RIN3: variants seen among roughly 807,000 people sequenced by gnomAD.
RIN3 encodes RAB5 interacting protein 3.
RIN3 carries 54 observed loss-of-function variants against 76.3 expected under a neutral mutation model. The observed-to-expected ratio is 0.71, with a 90% CI of 0.57 to 0.89. The LOEUF (loss-of-function observed/expected upper bound fraction) is 0.89, where lower values mean the gene tolerates loss of function less well. Ranked by LOEUF, RIN3 falls within the 40% of genes least tolerant of loss-of-function variation. The probability of loss-of-function intolerance (pLI) is 0.00; values close to 1 mark genes in which losing one functional copy is unlikely to be tolerated. For missense variants in RIN3, 1,256 were observed against 1,322.1 expected (o/e 0.95, Z 0.78); for synonymous variants, 576 against 564.0 (o/e 1.02, Z -0.30).
At chr14:92,537,919 C>T (rs923301326) in intron 1 of RIN3, among the ~76,000 whole-genome samples, 1 of 152,026 alleles carries the variant, frequency 6.6e-6, no homozygotes, top group African/African-American at 2.4e-5. Context: ...CCACTGCAGC[C>T]TCTGACTCCT....
At position 92,615,513 on chromosome 14, in the gene RIN3, G is replaced by A. The variant is rs751298352; in HGVS notation, c.440+34G>A. ...ACCCGGCCCTGCAGGAGGTTATCTG[G>A]TTGTAGCAAACATCACATGCAACCC... On this transcript the variant is annotated intron_variant, in intron 4 of 9. Transcript: ENST00000216487. The A allele has an allele frequency of 1.9e-6, 3 of 1,577,216 alleles. No individual in the cohort carries two copies. In the Admixed American group the frequency reaches 5.0e-5, roughly 26 times the overall value.
intron 3 of RIN3, among the ~76,000 whole-genome samples, chr14:92,582,304 A>G (rs1884574886): frequency 6.6e-6 from 1 of 151,808 alleles, no homozygotes; most frequent in African/African-American, 2.4e-5. Context: ...TCAGTGCTCA[A>G]TTTGCTGAAA....
intron 4 of RIN3, among the ~76,000 whole-genome samples, chr14:92,639,561 A>T (rs953853321): frequency 2.0e-5 from 3 of 152,136 alleles, no homozygotes; most frequent in Admixed American, 1.3e-4. Flanking sequence ...CAGAATCGGG[A>T]CCACCCATCC....
intron 3 of RIN3, among the ~76,000 whole-genome samples, chr14:92,587,379 G>T (rs957355609): frequency 5.9e-5 from 9 of 152,098 alleles, no homozygotes; most frequent in Admixed American, 2.0e-4. Flanking sequence ...CTTTCAGTGG[G>T]TTGGGGCCTG....
Position 92,685,773 on chromosome 14 carries a change from C to G in RIN3, c.2631+623C>G, listed in dbSNP as rs533579478. ...ACCGCTGCCCTCACTGGTCAATCTCCCCTTCTTCACTGGCTGTCACTGCCC... is the reference window on the plus strand; with the variant it reads ...ACCGCTGCCCTCACTGGTCAATCTCGCCTTCTTCACTGGCTGTCACTGCCC... On this transcript the variant is annotated intron_variant, in intron 9 of 9. Coordinates refer to ENST00000216487, the MANE Select transcript of RIN3 (RefSeq NM_024832.5). This position sits in a 1 kb window ranked among gnomAD's most constrained non-coding sequence, Gnocchi z 4.7. The G allele has an allele frequency of 6.6e-6, 1 of 152,200 alleles. No individual in the cohort carries two copies. Among genetic ancestry groups the G allele is most frequent in the Admixed American group, 6.6e-5 (1 of 15,266 alleles). 9.4% of individuals were successfully genotyped at this position (152,200 alleles called of 1,614,324 possible). A position where few individuals can be genotyped will look rare whatever the true frequency, so the allele number is the denominator to read the frequency against.
intron 2 of RIN3, among the ~76,000 whole-genome samples, chr14:92,563,791 C>T (rs1897844537): frequency 6.6e-6 from 1 of 152,184 alleles, no homozygotes; most frequent in South Asian, 2.1e-4. Context: ...AAAGGTGGGC[C>T]TCAGTTTCCC....
intron 7 of RIN3, among the ~76,000 whole-genome samples, chr14:92,673,545 G>A (rs553181431): frequency 2.7e-5 from 4 of 148,194 alleles, no homozygotes; most frequent in East Asian, 3.9e-4. Flanking sequence ...TCACTTTGTC[G>A]CCCAGGCTGG....
chr14:92,585,434 G>T (rs965221845), intron 3 of RIN3, among the ~76,000 whole-genome samples: 1 of 152,074 alleles, frequency 6.6e-6, no homozygotes, highest in Non-Finnish European at 1.5e-5. Context: ...AATTTAAAAC[G>T]TCCCCATAGT....
chr14:92,640,399 T>C (rs1437415759), intron 4 of RIN3, among the ~76,000 whole-genome samples: 1 of 16,562 alleles, frequency 6.0e-5, no homozygotes, highest in African/African-American at 2.8e-4. Flanking sequence ...TGACTGTGTG[T>C]TCATCGGGGG....
intron 2 of RIN3, among the ~76,000 whole-genome samples, chr14:92,572,213 T>A (rs978235023): frequency 1.3e-5 from 2 of 152,222 alleles, no homozygotes; most frequent in Non-Finnish European, 2.9e-5. Flanking sequence ...GGGTGGGCTG[T>A]CTGCATGCGC....
At chr14:92,679,532 C>T (rs746811503) in intron 8 of RIN3, among the ~76,000 whole-genome samples, 16 of 152,192 alleles carry the variant, frequency 1.1e-4, no homozygotes, top group Non-Finnish European at 2.2e-4. Flanking sequence ...GCAGGGGTTT[C>T]CACCTTTCAA....
chr14:92,532,601 G>C (rs1180669545), intron 1 of RIN3, among the ~76,000 whole-genome samples: 1 of 152,164 alleles, frequency 6.6e-6, no homozygotes, highest in Admixed American at 6.5e-5. Flanking sequence ...CAGCAGGGGA[G>C]GGGGAGGCTG....
intron 2 of RIN3, among the ~76,000 whole-genome samples, chr14:92,561,044 A>AAATATATATATAT (rs1555383856): frequency 8.2e-5 from 2 of 24,404 alleles, no homozygotes; most frequent in African/African-American, 1.3e-4. Flanking sequence ...AAAAAAAAAA[A>AAATATATATATAT]ATATATATAT....
At chr14:92,530,173 A>C (rs149820969) in intron 1 of RIN3, among the ~76,000 whole-genome samples, 1 of 152,190 alleles carries the variant, frequency 6.6e-6, no homozygotes, top group Non-Finnish European at 1.5e-5. Flanking sequence ...TACCATCAGC[A>C]GCTCATGCCT....
chr14:92,597,041 A>C (rs1015582820), intron 3 of RIN3, among the ~76,000 whole-genome samples: 2 of 152,188 alleles, frequency 1.3e-5, no homozygotes, highest in Non-Finnish European at 2.9e-5. Context: ...ACTACTGCTC[A>C]ATTTCCTCAT....
intron 1 of RIN3, among the ~76,000 whole-genome samples, chr14:92,546,188 G>A (rs1012014028): frequency 1.3e-5 from 2 of 152,088 alleles, no homozygotes; most frequent in South Asian, 2.1e-4. Flanking sequence ...GCTTCCCAAA[G>A]GGCTGGGATT....
rs1156470866 is a variant in RIN3, at chr14:92,652,746, G to T, written c.1697G>T (p.Ser566Ile). The T allele has an allele frequency of 1.2e-6, 2 of 1,613,910 alleles. No individual in the cohort carries two copies. Among genetic ancestry groups the T allele is most frequent in the South Asian group, 2.2e-5 (2 of 91,082 alleles). The change falls in exon 6 of 10, where the codon AGC (serine) becomes ATC (isoleucine). Residue 566 changes from serine to isoleucine, a missense_variant. Physicochemically the swap from Ser to Ile is moderately radical, Grantham distance 142 (BLOSUM62 -2). Coordinates refer to ENST00000216487, the MANE Select transcript of RIN3 (RefSeq NM_024832.5). The surrounding 1 kb of genome is among the most constrained non-coding windows in gnomAD (Gnocchi z 6.4). ...GAGCTGGAGCAGTTCAGCAGCCCCA[G>T]CGTGAAGAAGAAGCCCTCCATGATC... ...EEELEQFSSP[S>I]VKKKPSMILG...
At chr14:92,558,100 G>C (rs1897650899) in intron 2 of RIN3, among the ~76,000 whole-genome samples, 1 of 152,204 alleles carries the variant, frequency 6.6e-6, no homozygotes. Flanking sequence ...TATAATCCCA[G>C]CACTTTGGGA....
chr14:92,615,465 C>T lies in RIN3; in HGVS notation c.426C>T (p.Phe142=). ...AGGACATCTTCAGATTGATTGCGTTCTACTGTGTCAGTAGGTGAGTAGACC... is the reference window on the plus strand; with the variant it reads ...AGGACATCTTCAGATTGATTGCGTTTTACTGTGTCAGTAGGTGAGTAGACC... ...VFEDIFRLIA[F]YCVSRDLLPF... Residue 142 remains phenylalanine (F), a synonymous_variant, in exon 4 of 10, where the codon TTC becomes TTT. Transcript: ENST00000216487. 1 of 1,614,054 alleles carries T rather than the reference C, an allele frequency of 6.2e-7. No homozygotes were observed. The highest frequency in any genetic ancestry group is 1.1e-5 in the South Asian group (1 of 91,076).
Sources: gnomAD v4.1 joint callset for allele counts (sites outside exome capture counted in the v4.1 genomes callset) on GRCh38, gnomAD v4.1.1 for gene constraint, Gnocchi (gnomAD v3.1) non-coding constraint, MANE v1.5 for transcripts, NCBI Gene and HGNC (gene_info 2026-07-23, HGNC 2026-07-21) for gene names.